ARHGAP24: variants seen among roughly 807,000 people sequenced by gnomAD.
ARHGAP24 encodes the protein Rho GTPase activating protein 24, also known as rho GTPase-activating protein 24.
In ARHGAP24, 50 loss-of-function variants were observed where a neutral mutation model predicts 76.4. That is an observed-to-expected ratio of 0.65 (90% CI 0.52 to 0.83). The LOEUF is 0.83. Among genes scored for constraint, ARHGAP24 ranks in the 40% least tolerant of loss-of-function variants. ARHGAP24 has a pLI of 0.00. For synonymous variants in ARHGAP24, 345 were observed against 323.3 expected, an observed-to-expected ratio of 1.07 and a Z score of -0.72; for missense variants, 930 against 914.2, an observed-to-expected ratio of 1.02 and a Z score of -0.22.
chr4:85,656,520 T>A (rs1012414487), intron 2 of ARHGAP24, among the ~76,000 whole-genome samples: 1 of 152,180 alleles, frequency 6.6e-6, no homozygotes, highest in Non-Finnish European at 1.5e-5. Context: ...CAGACTGGAG[T>A]GCAGTGGCGT....
At chr4:85,833,499 A>C (rs909157519) in intron 3 of ARHGAP24, among the ~76,000 whole-genome samples, 2 of 152,106 alleles carry the variant, frequency 1.3e-5, no homozygotes, top group Non-Finnish European at 1.5e-5. Context: ...AAAAAACAAC[A>C]ACAACACTTG....
chr4:85,668,533 G>A (rs1722716909), intron 2 of ARHGAP24, among the ~76,000 whole-genome samples: 1 of 152,244 alleles, frequency 6.6e-6, no homozygotes, highest in Non-Finnish European at 1.5e-5. Flanking sequence ...GTAGCACAGA[G>A]AAGAGGCTAG....
At chr4:85,640,983 T>G (rs1157700281) in intron 2 of ARHGAP24, among the ~76,000 whole-genome samples, 1 of 150,860 alleles carries the variant, frequency 6.6e-6, no homozygotes, top group Non-Finnish European at 1.5e-5. Flanking sequence ...TCAGAGAAAT[T>G]TAATTAAGTT....
chr4:85,995,163 G>C lies in ARHGAP24; in HGVS notation c.1509G>C (p.Trp503Cys). The C allele has an allele frequency of 1.2e-6, 2 of 1,614,008 alleles. No individual in the cohort carries two copies. The highest frequency in any genetic ancestry group is 1.7e-6 in the Non-Finnish European group (2 of 1,180,032). Reference sequence around the variant, plus strand: ...CCACAAATGTTCGAAACATGAGCTGGCTGCCAAATGGCTATGTGACCCTGA... The same window carrying C: ...CCACAAATGTTCGAAACATGAGCTGCCTGCCAAATGGCTATGTGACCCTGA... ...GNPTNVRNMS[W>C]LPNGYVTLRD... is the part of the protein sequence containing the mutation. Residue 503 changes from tryptophan (W) to cysteine (C), a missense_variant, in exon 9 of 10, where the codon TGG (tryptophan) becomes TGC (cysteine). Trp to Cys is a radical substitution (Grantham distance 215). Coordinates refer to ENST00000395184, the MANE Select transcript of ARHGAP24 (RefSeq NM_001025616.3).
At chr4:85,975,709 T>C (rs1011927882) in intron 7 of ARHGAP24, 1 of 152,220 alleles carries the variant, frequency 6.6e-6, no homozygotes, top group East Asian at 1.9e-4. Flanking sequence ...CACTGCAGGG[T>C]GTCTTACATG....
intron 2 of ARHGAP24, among the ~76,000 whole-genome samples, chr4:85,709,700 T>C (rs1378879443): frequency 6.6e-6 from 1 of 152,094 alleles, no homozygotes; most frequent in Non-Finnish European, 1.5e-5. Context: ...ATACAAAATG[T>C]ACAAAAATCA....
In ARHGAP24 at chr4:85,849,172, A is replaced by T. The variant is rs539123587; in HGVS notation, c.269-74476A>T. Among the ~76,000 whole-genome samples, 133 of 146,500 alleles carry T rather than the reference A, an allele frequency of 9.1e-4. 1 individual carries two copies. The highest frequency in any genetic ancestry group is 1.6e-3 in the Non-Finnish European group (104 of 66,482). ...TGAAGAGGTCCTTCACATCCCTTGTAAGTTGGATTCCTAGGTCTTTTATTC... is the reference window on the plus strand; with the variant it reads ...TGAAGAGGTCCTTCACATCCCTTGTTAGTTGGATTCCTAGGTCTTTTATTC... On this transcript the variant is annotated intron_variant, in intron 3 of 9. Transcript: ENST00000395184.
At chr4:85,828,109 C>T (rs1448022372) in intron 3 of ARHGAP24, 2 of 624,144 alleles carry the variant, frequency 3.2e-6, no homozygotes. Flanking sequence ...TATTTATACC[C>T]TTGTTTTCTG....
intron 2 of ARHGAP24, among the ~76,000 whole-genome samples, chr4:85,679,304 T>C (rs1034263231): frequency 6.6e-6 from 1 of 152,186 alleles, no homozygotes; most frequent in South Asian, 2.1e-4. Context: ...AAAGCTTGTT[T>C]GCATCTTTTG....
intron 1 of ARHGAP24, among the ~76,000 whole-genome samples, chr4:85,564,507 G>A (rs923807176): frequency 5.3e-5 from 8 of 151,324 alleles, no homozygotes; most frequent in Admixed American, 1.3e-4. Context: ...AAACCTGCAT[G>A]TTGTGCACAT....
Position 85,794,709 on chromosome 4 carries a change from C to T in ARHGAP24, c.268+72737C>T, listed in dbSNP as rs1728274706. ...TGTTGGCCAGGCTGGTCTTGAACTC[C>T]TGACCTCGTGATCTGCCCACCTCTG... On this transcript the variant is annotated intron_variant, in intron 3 of 9. Transcript: ENST00000395184. Among the ~76,000 whole-genome samples the T allele has an allele frequency of 2.0e-5, 3 of 152,218 alleles. No individual in the cohort carries two copies. In the South Asian group the frequency reaches 6.2e-4, roughly 31 times the overall value.
intron 3 of ARHGAP24, among the ~76,000 whole-genome samples, chr4:85,801,249 C>A (rs1728568097): frequency 6.6e-6 from 1 of 152,056 alleles, no homozygotes; most frequent in Non-Finnish European, 1.5e-5. Flanking sequence ...TAATGCCCAC[C>A]AGATTAGTAG....
chr4:85,985,676 C>T (rs893342431), intron 8 of ARHGAP24, among the ~76,000 whole-genome samples: 4 of 152,108 alleles, frequency 2.6e-5, no homozygotes, highest in Non-Finnish European at 5.9e-5. Flanking sequence ...TGGGGATTGG[C>T]TGAAAAAGAG....
intron 3 of ARHGAP24, among the ~76,000 whole-genome samples, chr4:85,864,236 A>G (rs961893154): frequency 6.6e-6 from 1 of 152,102 alleles, no homozygotes; most frequent in Non-Finnish European, 1.5e-5. Context: ...GCTTTTCATT[A>G]AAAAGAAAAG....
At chr4:85,998,933 C>G (rs1740841936) in intron 9 of ARHGAP24, among the ~76,000 whole-genome samples, 1 of 152,202 alleles carries the variant, frequency 6.6e-6, no homozygotes, top group South Asian at 2.1e-4. Context: ...TGTGCTTCTA[C>G]TTATTGTTCT....
chr4:85,496,814 G>A (rs1723602006), intron 1 of ARHGAP24, among the ~76,000 whole-genome samples: 3 of 152,156 alleles, frequency 2.0e-5, no homozygotes, highest in Non-Finnish European at 1.5e-5. Flanking sequence ...AAACCTTTTG[G>A]GAAATTAATA....
At chr4:85,562,884 G>A (rs968045210) in intron 1 of ARHGAP24, among the ~76,000 whole-genome samples, 8 of 152,196 alleles carry the variant, frequency 5.3e-5, no homozygotes, top group South Asian at 2.1e-4. Flanking sequence ...CATTGTTACC[G>A]TAGGTGAGGT....
At chr4:85,923,608 T>C in intron 3 of ARHGAP24, 40 bp from the exon 4 acceptor site, 1 of 1,612,526 alleles carries the variant, frequency 6.2e-7, no homozygotes, top group Non-Finnish European at 8.5e-7. Flanking sequence ...GAGGAATCTC[T>C]GGATGCAACT....
At chr4:85,933,472 T>A (rs1030947478) in intron 4 of ARHGAP24, among the ~76,000 whole-genome samples, 1 of 152,152 alleles carries the variant, frequency 6.6e-6, no homozygotes, top group Non-Finnish European at 1.5e-5. Flanking sequence ...AGACCTCTTC[T>A]GTCCTTTGCT....
Sources: gnomAD v4.1 joint callset for allele counts (sites outside exome capture counted in the v4.1 genomes callset) on GRCh38, gnomAD v4.1.1 for gene constraint, MANE v1.5 for transcripts, NCBI Gene and HGNC (gene_info 2026-07-23, HGNC 2026-07-21) for gene names.